REC114: variants seen among roughly 807,000 people sequenced by gnomAD.
REC114 encodes the protein REC114 meiotic recombination protein, also known as meiotic recombination protein REC114.
A neutral mutation model predicts 31.3 loss-of-function variants in REC114; 27 were observed. The observed-to-expected ratio is 0.86, with a 90% CI of 0.64 to 1.19. The LOEUF is 1.19. Among genes scored for constraint, REC114 ranks in the 50% most tolerant of loss-of-function variants. The pLI is 0.00. For missense variants in REC114, 344 were observed against 326.9 expected, an observed-to-expected ratio of 1.05 and a Z score of -0.40; for synonymous variants, 134 against 127.7, an observed-to-expected ratio of 1.05 and a Z score of -0.33.
At chr15:73,540,984 T>A (rs969373631) in intron 3 of REC114, among the ~76,000 whole-genome samples, 2 of 152,220 alleles carry the variant, frequency 1.3e-5, no homozygotes, top group Non-Finnish European at 2.9e-5. Context: ...CTGTATTAAG[T>A]GTAAAGAATG....
Position 73,491,325 on chromosome 15 carries a change from TA to T in REC114, c.249+17405del, listed in dbSNP as rs1445745476. On this transcript the variant is annotated intron_variant, in intron 2 of 5. Coordinates refer to ENST00000331090, the MANE Select transcript of REC114 (RefSeq NM_001042367.2). The stretch of plus-strand genomic sequence containing the variant: ...CTTAATTTCTTTTTGTATATATAAG[TA>T]TTTGTGTATTATCTTAATTTCTTTG... Among the ~76,000 whole-genome samples the T allele has an allele frequency of 1.2e-4, 18 of 152,254 alleles. 1 individual carries two copies. Among genetic ancestry groups the T allele is most frequent in the African/African-American group, 4.3e-4 (18 of 41,560 alleles).
At chr15:73,494,818 C>A (rs1284466082) in intron 2 of REC114, among the ~76,000 whole-genome samples, 1 of 152,196 alleles carries the variant, frequency 6.6e-6, no homozygotes, top group East Asian at 1.9e-4. Flanking sequence ...AAATGGAGAT[C>A]TTTGACCTAA....
intron 2 of REC114, among the ~76,000 whole-genome samples, chr15:73,492,445 A>C (rs930749378): frequency 1.3e-5 from 2 of 152,138 alleles, no homozygotes; most frequent in African/African-American, 4.8e-5. Context: ...GCTTCTGTGA[A>C]CACTCTTGTA....
intron 1 of REC114, among the ~76,000 whole-genome samples, chr15:73,443,777 C>G (rs1892729894): frequency 6.6e-6 from 1 of 152,192 alleles, no homozygotes; most frequent in Non-Finnish European, 1.5e-5. Context: ...CAAGCATTCA[C>G]ACAGGACTAA....
chr15:73,537,669 T>A lies in REC114; in HGVS notation c.250-2816T>A, dbSNP rs771683829. Among the ~76,000 whole-genome samples, 5 of 152,252 alleles carry A rather than the reference T, an allele frequency of 3.3e-5. 1 individual carries two copies. ...GTGTTGTCCACAAATTTAAGCATTA[T>A]GCATAAGCATTAAGCATAACATTAA... On this transcript the variant is annotated intron_variant, in intron 2 of 5. Transcript: ENST00000331090.
At chr15:73,496,804 T>A (rs1893534800) in intron 2 of REC114, among the ~76,000 whole-genome samples, 2 of 152,204 alleles carry the variant, frequency 1.3e-5, no homozygotes, top group South Asian at 4.1e-4. Context: ...ACAGACCTTA[T>A]TCAAAATTTG....
chr15:73,542,980 C>T (rs1383633713), intron 3 of REC114, among the ~76,000 whole-genome samples: 3 of 151,076 alleles, frequency 2.0e-5, no homozygotes, highest in African/African-American at 7.3e-5. Context: ...TTTGCCCTCC[C>T]GATAGGTTGT....
At chr15:73,552,279 G>A (rs1045774756) in intron 4 of REC114, among the ~76,000 whole-genome samples, 1 of 152,158 alleles carries the variant, frequency 6.6e-6, no homozygotes, top group African/African-American at 2.4e-5. Context: ...TAATTTGTGT[G>A]AGGCCAGATT....
At chr15:73,536,366 C>T (rs1485257467) in intron 2 of REC114, among the ~76,000 whole-genome samples, 1 of 152,178 alleles carries the variant, frequency 6.6e-6, no homozygotes, top group African/African-American at 2.4e-5. Flanking sequence ...GTAGCAGAAG[C>T]TCCCTTGGTG....
chr15:73,548,098 G>A (rs1448138542), intron 3 of REC114, among the ~76,000 whole-genome samples: 1 of 152,142 alleles, frequency 6.6e-6, no homozygotes, highest in East Asian at 1.9e-4. Flanking sequence ...AGTGGGAAAA[G>A]GACATGAATA....
chr15:73,487,861 C>T (rs1893392946), intron 2 of REC114, among the ~76,000 whole-genome samples: 1 of 151,660 alleles, frequency 6.6e-6, no homozygotes, highest in South Asian at 2.1e-4. Context: ...AGTGGCCCCA[C>T]CATGTGGTAT....
intron 1 of REC114, among the ~76,000 whole-genome samples, chr15:73,450,569 A>C (rs1483557963): frequency 2.0e-5 from 3 of 152,212 alleles, no homozygotes; most frequent in Non-Finnish European, 1.5e-5. Context: ...AATATTAGAC[A>C]GATCAATGAG....
At chr15:73,488,125 G>A (rs1379236744) in intron 2 of REC114, among the ~76,000 whole-genome samples, 1 of 152,184 alleles carries the variant, frequency 6.6e-6, no homozygotes, top group East Asian at 1.9e-4. Context: ...CTGGAGCAGT[G>A]AGCACCAAGG....
chr15:73,542,945 A>G (rs535508674), intron 3 of REC114, among the ~76,000 whole-genome samples: 2 of 108,062 alleles, frequency 1.9e-5, no homozygotes, highest in Non-Finnish European at 3.9e-5. Flanking sequence ...AGAAGTATAC[A>G]CTTTTTTTTT....
intron 2 of REC114, among the ~76,000 whole-genome samples, chr15:73,491,291 G>T (rs62015521): frequency 0.016 from 36 of 2,196 alleles, 1 homozygote; most frequent in South Asian, 0.036. Flanking sequence ...TCTTAATTTT[G>T]TGTATTTTCT....
At chr15:73,468,702 G>T in intron 1 of REC114, among the ~76,000 whole-genome samples, 1 of 147,176 alleles carries the variant, frequency 6.8e-6, no homozygotes, top group South Asian at 2.2e-4. Flanking sequence ...TTTAATAGAT[G>T]CCCTTTATCA....
intron 4 of REC114, among the ~76,000 whole-genome samples, chr15:73,554,545 A>ATTGTGG (rs1894436273): frequency 6.6e-6 from 1 of 152,136 alleles, no homozygotes; most frequent in Non-Finnish European, 1.5e-5. Flanking sequence ...AATTTTGTTA[A>ATTGTGG]TTGTGGCTTA....
chr15:73,460,473 C>G (rs1346934452), intron 1 of REC114, among the ~76,000 whole-genome samples: 1 of 152,176 alleles, frequency 6.6e-6, no homozygotes, highest in Non-Finnish European at 1.5e-5. Context: ...TTTTTGACTT[C>G]ACAAATGACA....
chr15:73,506,790 T>A (rs944811845), intron 2 of REC114, among the ~76,000 whole-genome samples: 1 of 152,220 alleles, frequency 6.6e-6, no homozygotes, highest in Non-Finnish European at 1.5e-5. Context: ...AATACAAGTC[T>A]GAGAGAAGGT....
Sources: gnomAD v4.1 joint callset for allele counts (sites outside exome capture counted in the v4.1 genomes callset) on GRCh38, gnomAD v4.1.1 for gene constraint, MANE v1.5 for transcripts, NCBI Gene and HGNC (gene_info 2026-07-23, HGNC 2026-07-21) for gene names.